PHLPP2: variants seen among roughly 807,000 people sequenced by gnomAD.
The protein encoded by PHLPP2 is PH domain and leucine rich repeat protein phosphatase 2, also known as PH domain leucine-rich repeat-containing protein phosphatase 2.
PHLPP2 carries 66 observed loss-of-function variants against 124.9 expected under a neutral mutation model. That is an observed-to-expected ratio of 0.53 (90% CI 0.43 to 0.65). The LOEUF (loss-of-function observed/expected upper bound fraction) is 0.65, where lower values mean the gene tolerates loss of function less well. Among genes scored for constraint, PHLPP2 ranks in the 30% least tolerant of loss-of-function variants. The pLI is 0.00. For synonymous variants in PHLPP2, 681 were observed against 624.7 expected (o/e 1.09, Z -1.34); for missense variants, 1,685 against 1,600.4 (o/e 1.05, Z -0.90).
chr16:71,717,261 A>C (rs777803318), intron 1 of PHLPP2, among the ~76,000 whole-genome samples: 5 of 152,242 alleles, frequency 3.3e-5, no homozygotes, highest in Non-Finnish European at 7.3e-5. Context: ...AGGGTAATAC[A>C]TTTCTAAAGA....
At chr16:71,659,670 G>A (rs1369633595) in intron 13 of PHLPP2, among the ~76,000 whole-genome samples, 1 of 152,226 alleles carries the variant, frequency 6.6e-6, no homozygotes, top group Admixed American at 6.5e-5. Context: ...TGTGAGGCAA[G>A]TGATTCACAC....
chr16:71,693,822 T>C (rs1386597703), intron 3 of PHLPP2, among the ~76,000 whole-genome samples: 6 of 152,240 alleles, frequency 3.9e-5, no homozygotes, highest in Admixed American at 3.3e-4. Flanking sequence ...CCCCAATTTC[T>C]TGACATCTCT....
Position 71,655,838 on chromosome 16 carries a change from A to G in PHLPP2, c.2391-404T>C, listed in dbSNP as rs1045427305. 2.0e-5 allele frequency among the ~76,000 whole-genome samples: 3 copies of G among 152,030 alleles called. No individual in the cohort carries two copies. In the East Asian group the frequency reaches 5.8e-4, roughly 29 times the overall value. On this transcript the variant is annotated intron_variant, in intron 16 of 18. Coordinates refer to ENST00000568954, the MANE Select transcript of PHLPP2 (RefSeq NM_015020.3). Reference sequence around the variant, plus strand: ...GTATTAATTAAAGGTGGCAAAGACTACTAGCAAATCGTAATCTACACGTAA... The same window carrying G: ...GTATTAATTAAAGGTGGCAAAGACTGCTAGCAAATCGTAATCTACACGTAA...
rs2044707739 is a variant in PHLPP2 at position 71,652,955 on chromosome 16, A to G, written c.2652T>C (p.Thr884=). 6.2e-7 allele frequency: 1 copy of G among 1,613,980 alleles called. No homozygotes were observed. Among genetic ancestry groups the G allele is most frequent in the Non-Finnish European group, 8.5e-7 (1 of 1,180,042 alleles). ...SALLCYIRPD[T]ADPASSFSLT... ...AGCTAAAGCTACTTGCTGGATCGGC[A>G]GTGTCAGGGCGGATGTAGCACAGGA... The change falls in exon 18 of 19, where the codon ACT becomes ACC. Residue 884 remains threonine (T), a synonymous_variant. Transcript: ENST00000568954.
chr16:71,700,852 G>A (rs1385633970), intron 3 of PHLPP2, among the ~76,000 whole-genome samples: 1 of 152,204 alleles, frequency 6.6e-6, no homozygotes, highest in Non-Finnish European at 1.5e-5. Context: ...TAAGTAAAAA[G>A]TGGTAAAAGT....
chr16:71,720,875 G>GAAA (rs35717730), intron 1 of PHLPP2, among the ~76,000 whole-genome samples: 1 of 135,972 alleles, frequency 7.4e-6, no homozygotes, highest in African/African-American at 2.8e-5. Context: ...AACAAAAGAC[G>GAAA]AAAAAAAAAA....
chr16:71,685,184 G>T (rs1486986515), intron 4 of PHLPP2, among the ~76,000 whole-genome samples: 1 of 152,244 alleles, frequency 6.6e-6, no homozygotes, highest in Admixed American at 6.5e-5. Context: ...AAAATTAGCC[G>T]GGTGTGGTCA....
chr16:71,706,451 T>C (rs1344351038), intron 2 of PHLPP2, among the ~76,000 whole-genome samples: 3 of 152,268 alleles, frequency 2.0e-5, no homozygotes, highest in South Asian at 2.1e-4. Flanking sequence ...CTATACACTA[T>C]TAAAATCAAA....
intron 16 of PHLPP2, among the ~76,000 whole-genome samples, chr16:71,656,127 C>T (rs11075894): frequency 0.85 from 128,723 of 152,074 alleles, 54,664 homozygotes; most frequent in East Asian, 0.99. Flanking sequence ...CATGGAACCC[C>T]GGGGTATACA....
In PHLPP2 at chr16:71,652,989, G is replaced by A. The variant is rs1350690980; in HGVS notation, c.2618C>T (p.Ser873Phe). The A allele has an allele frequency of 3.1e-6, 5 of 1,613,434 alleles. No individual in the cohort carries two copies. Among genetic ancestry groups the A allele is most frequent in the Non-Finnish European group, 4.2e-6 (5 of 1,179,930 alleles). Reference sequence around the variant, plus strand: ...GCGGATGTAGCACAGGAGAGCGGAGGAGCCCAACTTCTGGCCAGCCATTCC... The same window carrying A: ...GCGGATGTAGCACAGGAGAGCGGAGAAGCCCAACTTCTGGCCAGCCATTCC... ...KLGMAGQKLGSSALLCYIRPD... is the reference protein window; with the variant it reads ...KLGMAGQKLGFSALLCYIRPD... The change falls in exon 18 of 19, where the codon TCC becomes TTC. Residue 873 changes from serine to phenylalanine, a missense_variant. By Grantham distance (155) the Ser-to-Phe change is radical (BLOSUM62 -2). Coordinates refer to ENST00000568954, the MANE Select transcript of PHLPP2 (RefSeq NM_015020.3).
At chr16:71,672,693 T>C (rs2044905904) in intron 9 of PHLPP2, among the ~76,000 whole-genome samples, 1 of 152,184 alleles carries the variant, frequency 6.6e-6, no homozygotes, top group Admixed American at 6.5e-5. Context: ...AACAATTCAG[T>C]AAATTTTCAC....
chr16:71,667,108 CA>C, intron 12 of PHLPP2, 69 bp downstream of exon 12: 1 of 1,302,026 alleles, frequency 7.7e-7, no homozygotes, highest in Non-Finnish European at 1.1e-6. Context: ...AAGGTCACTC[CA>C]ATGATAAGTC....
At chr16:71,700,214 G>A (rs774287324) in intron 3 of PHLPP2, among the ~76,000 whole-genome samples, 3 of 152,102 alleles carry the variant, frequency 2.0e-5, no homozygotes, top group Non-Finnish European at 4.4e-5. Flanking sequence ...CTCGAGCCAT[G>A]AGCAACATGG....
In PHLPP2 at chr16:71,702,663, T is replaced by C. The variant is rs1363323418; in HGVS notation, c.353A>G (p.Asp118Gly). 1 of 1,609,558 alleles carries C rather than the reference T, an allele frequency of 6.2e-7. No individual in the cohort carries two copies. The highest frequency in any genetic ancestry group is 8.5e-7 in the Non-Finnish European group (1 of 1,177,476). The change falls in exon 3 of 19, where the codon GAT (aspartate) becomes GGT (glycine). Residue 118 changes from aspartate to glycine, a missense_variant. Transcript: ENST00000568954. Reference sequence around the variant, plus strand: ...AGCCTCCTCCTGTATGCGCACAGGATCATCAAATCCCAGCCTGGATAAGTA... The same window carrying C: ...AGCCTCCTCCTGTATGCGCACAGGACCATCAAATCCCAGCCTGGATAAGTA... Reference protein sequence around the residue: ...YDYLSRLGFDDPVRIQEEATN... With the variant: ...YDYLSRLGFDGPVRIQEEATN...
intron 6 of PHLPP2, among the ~76,000 whole-genome samples, chr16:71,680,331 C>A (rs995606342): frequency 1.3e-5 from 2 of 152,170 alleles, no homozygotes; most frequent in African/African-American, 4.8e-5. Context: ...TAAAATGTCA[C>A]ATAAAATGAA....
At chr16:71,688,334 T>G (rs958640337) in intron 4 of PHLPP2, among the ~76,000 whole-genome samples, 2 of 152,216 alleles carry the variant, frequency 1.3e-5, no homozygotes, top group African/African-American at 2.4e-5. Flanking sequence ...TCTTCATCAA[T>G]TCTCTCTTTG....
intron 2 of PHLPP2, among the ~76,000 whole-genome samples, chr16:71,707,763 AAG>A (rs1433969526): frequency 6.6e-6 from 1 of 152,174 alleles, no homozygotes; most frequent in Non-Finnish European, 1.5e-5. Context: ...GATTTGCATC[AAG>A]CTAAAACTGT....
intron 10 of PHLPP2, among the ~76,000 whole-genome samples, chr16:71,671,608 A>G (rs1466532988): frequency 6.6e-6 from 1 of 152,114 alleles, no homozygotes; most frequent in Non-Finnish European, 1.5e-5. Flanking sequence ...AAAAAATTAA[A>G]TAATATTTTA....
At position 71,669,359 on chromosome 16, in the gene PHLPP2, T is replaced by A. The variant is rs1271309878; in HGVS notation, c.1544A>T (p.Glu515Val). 3 of 1,609,394 alleles carry A rather than the reference T, an allele frequency of 1.9e-6. No individual in the cohort carries two copies. The highest frequency in any genetic ancestry group is 2.2e-5 in the East Asian group (1 of 44,878). ...TTCACAGGCCCAGTCAGGGACACAC[T>A]CTAGCAGGTTTCTGCAGAAAATAAA... ...TFLDLSRNLL[E>V]CVPDWACEAK... The change falls in exon 11 of 19, where the codon GAG (glutamate) becomes GTG (valine). Residue 515 changes from glutamate to valine, a missense_variant. Physicochemically the swap from Glu to Val is moderately radical, Grantham distance 121. Coordinates refer to ENST00000568954, the MANE Select transcript of PHLPP2 (RefSeq NM_015020.3).
Sources: allele counts gnomAD v4.1 joint callset (sites outside exome capture counted in the v4.1 genomes callset), GRCh38; gene constraint gnomAD v4.1.1; transcripts MANE v1.5; gene names NCBI Gene and HGNC (gene_info 2026-07-23, HGNC 2026-07-21).